The following ZC3H18 variants were observed in gnomAD, a reference collection of about 807,000 sequenced individuals.
ZC3H18 encodes zinc finger CCCH-type containing 18, also known as zinc finger CCCH domain-containing protein 18.
Under a neutral mutation model 106.1 loss-of-function variants are expected in ZC3H18, and 8 were observed. That is an observed-to-expected ratio of 0.08 (90% CI 0.04 to 0.14). The LOEUF (loss-of-function observed/expected upper bound fraction) is 0.14. ZC3H18 is among the 10% of genes least tolerant of loss of function. The pLI is 1.00. For missense variants in ZC3H18, 1,318 were observed against 1,278.4 expected (o/e 1.03, Z -0.47); for synonymous variants, 635 against 522.1 (o/e 1.22, Z -2.95).
chr16:88,581,910 T>C (rs998438541), intron 2 of ZC3H18, among the ~76,000 whole-genome samples: 1 of 152,242 alleles, frequency 6.6e-6, no homozygotes, highest in Non-Finnish European at 1.5e-5. Context: ...CCCGCTCTTT[T>C]GCTCACTCCA....
chr16:88,611,879 C>G (rs1469953413), intron 8 of ZC3H18, among the ~76,000 whole-genome samples: 1 of 152,220 alleles, frequency 6.6e-6, no homozygotes, highest in Non-Finnish European at 1.5e-5. Context: ...GTAACTCACA[C>G]CCTGGGCACC....
In ZC3H18 at chr16:88,577,588, T is replaced by G. The variant is rs746307079; in HGVS notation, c.465T>G (p.Asp155Glu). ...CTGAGAAAGCGGGGGCTGAGGATGA[T>G]GAGGAGAAAGGCGAAGGCACTCCCA... ...DEAEKAGAED[D>E]EEKGEGTPRE... The change falls in exon 2 of 18, where the codon GAT (aspartate) becomes GAG (glutamate). Residue 155 changes from aspartate to glutamate, a missense_variant. By Grantham distance (45) the Asp-to-Glu change is conservative. Transcript: ENST00000301011. The G allele has an allele frequency of 1.9e-6, 3 of 1,613,390 alleles. No individual in the cohort carries two copies. Among genetic ancestry groups the G allele is most frequent in the South Asian group, 2.2e-5 (2 of 91,056 alleles).
chr16:88,628,947 T>A, intron 16 of ZC3H18, 93 bp downstream of exon 16: 2 of 1,282,040 alleles, frequency 1.6e-6, no homozygotes, highest in Non-Finnish European at 2.2e-6. Context: ...TCTTAACAAG[T>A]AGGAGGAGGG....
intron 6 of ZC3H18, among the ~76,000 whole-genome samples, chr16:88,607,122 G>T (rs1005780287): frequency 2.0e-5 from 3 of 152,174 alleles, no homozygotes; most frequent in African/African-American, 7.2e-5. Flanking sequence ...GACCTTCCCA[G>T]CAGCTGGACA....
chr16:88,597,302 A>C (rs1904491673), intron 3 of ZC3H18, among the ~76,000 whole-genome samples: 1 of 152,154 alleles, frequency 6.6e-6, no homozygotes, highest in South Asian at 2.1e-4. Context: ...TTGGATCGAT[A>C]TTGTTATTAT....
At position 88,582,614 on chromosome 16, in the gene ZC3H18, G is replaced by A. The variant is rs536730762; in HGVS notation, c.604-3986G>A. 3.9e-5 allele frequency among the ~76,000 whole-genome samples: 6 copies of A among 152,284 alleles called. No homozygotes were observed. The South Asian group carries it at 1.2e-3, about 32-fold the overall frequency. The stretch of plus-strand genomic sequence containing the variant: ...CCATTCTATTGCCAAAGCCCAGGAA[G>A]CAGCGGCCTGTACCACACTTGGAAA... On this transcript the variant is annotated intron_variant, in intron 2 of 17. Transcript: ENST00000301011.
At chr16:88,607,691 GTC>G (rs1263702119) in intron 6 of ZC3H18, among the ~76,000 whole-genome samples, 2 of 149,878 alleles carry the variant, frequency 1.3e-5, no homozygotes, top group African/African-American at 2.5e-5. Flanking sequence ...CACGCTTCAT[GTC>G]TCTCAGGCGT....
At chr16:88,628,600 C>T in intron 15 of ZC3H18, 158 bp from the exon 16 acceptor site, 1 of 721,396 alleles carries the variant, frequency 1.4e-6, no homozygotes. Flanking sequence ...TGGTCCGGGT[C>T]CTGGAGGCCT....
chr16:88,579,349 C>G (rs1007557961), intron 2 of ZC3H18, among the ~76,000 whole-genome samples: 2 of 152,106 alleles, frequency 1.3e-5, no homozygotes, highest in African/African-American at 4.8e-5. Flanking sequence ...GGTAACAGCC[C>G]TGTCTGCACC....
chr16:88,604,564 T>C (rs550298107), intron 6 of ZC3H18, among the ~76,000 whole-genome samples: 281 of 151,650 alleles, frequency 1.9e-3, no homozygotes, highest in Non-Finnish European at 3.3e-3. Context: ...CGGACACCTG[T>C]AGTCCCAGCT....
Position 88,590,564 on chromosome 16 carries a change from C to CTTTTTTTTTTTTTTT in ZC3H18, c.688+3882_688+3896dup, listed in dbSNP as rs57632461. 4.9e-3 allele frequency among the ~76,000 whole-genome samples: 490 copies of CTTTTTTTTTTTTTTT among 100,546 alleles called. 9 individuals are homozygous for CTTTTTTTTTTTTTTT. The highest frequency in any genetic ancestry group is 0.014 in the Middle Eastern group (2 of 144). 66.0% of individuals were successfully genotyped at this position (100,546 alleles called of 152,430 possible). ...TGTCCCACTTTGGGTTTCTTTATTT[C>CTTTTTTTTTTTTTTT]TTTTTTTTTTTTTTTTGAGACAGTG... is the stretch of plus-strand genomic sequence containing the variant. On this transcript the variant is annotated intron_variant, in intron 3 of 17. Coordinates refer to ENST00000301011, the MANE Select transcript of ZC3H18 (RefSeq NM_144604.4).
chr16:88,574,757 G>A (rs903625564), intron 1 of ZC3H18, among the ~76,000 whole-genome samples: 8 of 131,584 alleles, frequency 6.1e-5, no homozygotes, highest in Non-Finnish European at 4.7e-5. Context: ...CAAGTGATCC[G>A]CCCACCTCAG....
At chr16:88,607,514 C>T (rs1352784529) in intron 6 of ZC3H18, among the ~76,000 whole-genome samples, 1 of 152,212 alleles carries the variant, frequency 6.6e-6, no homozygotes, top group Non-Finnish European at 1.5e-5. Context: ...GTGCAAGAGG[C>T]GTCTCCCCAT....
At chr16:88,573,198 G>A (rs964628077) in intron 1 of ZC3H18, among the ~76,000 whole-genome samples, 28 of 152,088 alleles carry the variant, frequency 1.8e-4, no homozygotes, top group African/African-American at 6.3e-4. Flanking sequence ...TCAGGTCTGG[G>A]TTCAGCTTGG....
chr16:88,578,915 T>A (rs1914936810), intron 2 of ZC3H18, among the ~76,000 whole-genome samples: 1 of 152,206 alleles, frequency 6.6e-6, no homozygotes, highest in South Asian at 2.1e-4. Flanking sequence ...TTCAAACTCC[T>A]GACCTCAGGT....
Position 88,622,316 on chromosome 16 carries a change from C to T in ZC3H18, c.1595C>T (p.Ser532Leu), listed in dbSNP as rs775885714. 4.5e-5 allele frequency: 73 copies of T among 1,613,750 alleles called. No homozygotes were observed. The highest frequency in any genetic ancestry group is 6.7e-5 in the East Asian group (3 of 44,878). ...SKSPKKKLGV[S>L]VSPSRARRRR... ...TCTCCCAAGAAGAAACTCGGGGTGT[C>T]GGTCTCCCCGAGCCGGGCTCGAAGG... Residue 532 changes from serine to leucine, a missense_variant, in exon 9 of 18, where the codon TCG becomes TTG. Around this residue, in one of 6 missense-constraint regions of ZC3H18, gnomAD observed 848 missense variants for 821.7 expected, o/e 1.03. Coordinates refer to ENST00000301011, the MANE Select transcript of ZC3H18 (RefSeq NM_144604.4).
intron 1 of ZC3H18, 102 bp from the exon 2 acceptor site, chr16:88,577,008 C>G: frequency 7.9e-7 from 1 of 1,273,368 alleles, no homozygotes; most frequent in Non-Finnish European, 1.1e-6. Context: ...CCGTGTGGGA[C>G]CAAGCAGGAT....
intron 8 of ZC3H18, among the ~76,000 whole-genome samples, chr16:88,612,216 G>A (rs1905311112): frequency 1.3e-5 from 2 of 152,186 alleles, no homozygotes; most frequent in Admixed American, 6.5e-5. Context: ...GGACATTAGA[G>A]TACTGGATGA....
Position 88,577,901 on chromosome 16 carries a change from G to T in ZC3H18, c.603+175G>T, listed in dbSNP as rs559648029. Among the ~76,000 whole-genome samples, 14 of 152,322 alleles carry T rather than the reference G, an allele frequency of 9.2e-5. No homozygotes were observed. The South Asian group carries it at 2.7e-3, about 29-fold the overall frequency. ...GTCCCATAGTGATTGGAGAGAAAGA[G>T]CCAGAAATCGAGAATGAGCAGAGGC... On this transcript the variant is annotated intron_variant, in intron 2 of 17. Coordinates refer to ENST00000301011, the MANE Select transcript of ZC3H18 (RefSeq NM_144604.4).
Sources: allele counts gnomAD v4.1 joint callset (sites outside exome capture counted in the v4.1 genomes callset), GRCh38; gene constraint gnomAD v4.1.1; regional missense constraint gnomAD v4.1.1; transcripts MANE v1.5; gene names NCBI Gene and HGNC (gene_info 2026-07-23, HGNC 2026-07-21).